Variants in GUCY1A2 observed in about 807,000 individuals in gnomAD.
GUCY1A2 encodes the protein guanylate cyclase 1 soluble subunit alpha 2.
GUCY1A2 carries 27 observed loss-of-function variants against 63.5 expected under a neutral mutation model. That is an observed-to-expected ratio of 0.43 (90% confidence interval 0.31 to 0.59). GUCY1A2 has a LOEUF of 0.59. GUCY1A2 is among the 20% of genes least tolerant of loss of function. GUCY1A2 has a pLI of 0.11. For missense variants in GUCY1A2, 768 were observed against 913.3 expected (o/e 0.84, Z 2.05); for synonymous variants, 364 against 343.5 (o/e 1.06, Z -0.66).
chr11:106,824,918 G>C lies in GUCY1A2; in HGVS notation c.1207-14440C>G, dbSNP rs907618255. ...ACATGCTTCAGCAATCTGGTTCTAA[G>C]AATACAGGAGCTAAGAAAAGAAAAA... On this transcript the variant is annotated intron_variant, in intron 4 of 7. Coordinates refer to ENST00000526355, the MANE Select transcript of GUCY1A2 (RefSeq NM_000855.3). 5.0e-6 allele frequency: 8 copies of C among 1,611,490 alleles called. No homozygotes were observed. The Admixed American group carries it at 8.4e-5, about 17-fold the overall frequency.
Position 106,939,888 on chromosome 11 carries a change from T to A in GUCY1A2, c.778A>T (p.Lys260Ter). Residue 260 changes from lysine to a stop codon, truncating the protein, a stop_gained, in exon 4 of 8, where the codon AAG becomes TAG. Coordinates refer to ENST00000526355, the MANE Select transcript of GUCY1A2 (RefSeq NM_000855.3). LOFTEE classifies it high-confidence loss of function. The stretch of plus-strand genomic sequence containing the variant: ...ACTTCCACATCCAGCCGATAGATCT[T>A]CTTTCCTGCAGCCTTAATCATCCCC... ...MLGMIKAAGKKIYRLDVEVEQ... is the reference protein window; with the variant it reads ...MLGMIKAAGK 1 of 1,614,158 alleles carries A rather than the reference T, an allele frequency of 6.2e-7. No homozygotes were observed. The highest frequency in any genetic ancestry group is 8.5e-7 in the Non-Finnish European group (1 of 1,180,014).
intron 4 of GUCY1A2, among the ~76,000 whole-genome samples, chr11:106,919,807 A>G (rs1044437349): frequency 1.3e-5 from 2 of 152,286 alleles, no homozygotes; most frequent in Non-Finnish European, 2.9e-5. Context: ...AGAGAATAAC[A>G]TGAGTTCACA....
intron 1 of GUCY1A2, among the ~76,000 whole-genome samples, chr11:106,991,221 C>T (rs1861466752): frequency 6.6e-6 from 1 of 151,868 alleles, no homozygotes; most frequent in African/African-American, 2.4e-5. Context: ...AGGTCTCAAA[C>T]TCCTGACCTT....
rs1476845448 is a variant in GUCY1A2, at chr11:106,787,322, C to T, written c.1693-10740G>A. On this transcript the variant is annotated intron_variant, in intron 5 of 7. Coordinates refer to ENST00000526355, the MANE Select transcript of GUCY1A2 (RefSeq NM_000855.3). ...ACCACCCTACTACCATTCCCAGTGT[C>T]TAGTAACCACCCTTCTGCTGTCTAT... Among the ~76,000 whole-genome samples, 3 of 150,992 alleles carry T rather than the reference C, an allele frequency of 2.0e-5. No homozygotes were observed. In the East Asian group the frequency reaches 5.9e-4, roughly 30 times the overall value.
Position 106,987,388 on chromosome 11 carries a change from C to T in GUCY1A2, c.304-1257G>A, listed in dbSNP as rs962685047. 1.1e-4 allele frequency among the ~76,000 whole-genome samples: 16 copies of T among 152,334 alleles called. No homozygotes were observed. In the East Asian group the frequency reaches 1.9e-3, roughly 18 times the overall value. ...CCCAGGAGCTGGGCACTCTGGCTCA[C>T]GCCTGTAATCCCAGCACTTTGGGAG... On this transcript the variant is annotated intron_variant, in intron 1 of 7. Transcript: ENST00000526355.
At chr11:106,748,002 G>A (rs1253033518) in intron 6 of GUCY1A2, among the ~76,000 whole-genome samples, 1 of 152,122 alleles carries the variant, frequency 6.6e-6, no homozygotes, top group Non-Finnish European at 1.5e-5. Context: ...AGTAGAAAGA[G>A]GCAGCAAAGC....
chr11:106,783,753 C>T (rs1405211873), intron 5 of GUCY1A2, among the ~76,000 whole-genome samples: 1 of 152,172 alleles, frequency 6.6e-6, no homozygotes, highest in Non-Finnish European at 1.5e-5. Context: ...TGTAGCATGT[C>T]GTTAGATGTC....
At chr11:106,873,930 G>T (rs1196298029) in intron 4 of GUCY1A2, among the ~76,000 whole-genome samples, 3 of 151,998 alleles carry the variant, frequency 2.0e-5, no homozygotes, top group Admixed American at 1.3e-4. Flanking sequence ...TTTGCATATT[G>T]TCTCCTCTGC....
chr11:106,930,748 G>A (rs542089212), intron 4 of GUCY1A2, among the ~76,000 whole-genome samples: 1 of 152,302 alleles, frequency 6.6e-6, no homozygotes, highest in Admixed American at 6.5e-5. Context: ...AGTGTGTTAT[G>A]TTGCCATGCC....
At chr11:106,991,668 C>T (rs1410410282) in intron 1 of GUCY1A2, among the ~76,000 whole-genome samples, 1 of 152,186 alleles carries the variant, frequency 6.6e-6, no homozygotes, top group African/African-American at 2.4e-5. Context: ...ATACTCATAA[C>T]CGCTTAATTC....
chr11:106,944,840 C>T (rs1200148606), intron 3 of GUCY1A2, among the ~76,000 whole-genome samples: 1 of 152,144 alleles, frequency 6.6e-6, no homozygotes, highest in Non-Finnish European at 1.5e-5. Flanking sequence ...TTACTCCTTC[C>T]TTTCAAATCA....
Position 106,864,889 on chromosome 11 carries a change from T to C in GUCY1A2, c.1207-54411A>G, listed in dbSNP as rs1446722225. On this transcript the variant is annotated intron_variant, in intron 4 of 7. Coordinates refer to ENST00000526355, the MANE Select transcript of GUCY1A2 (RefSeq NM_000855.3). Reference sequence around the variant, plus strand: ...GGCCTGAAGCTTTCTTTTTTTGTTGTGTCTCTGCCAGGTTTTGGTATCAGG... The same window carrying C: ...GGCCTGAAGCTTTCTTTTTTTGTTGCGTCTCTGCCAGGTTTTGGTATCAGG... Among the ~76,000 whole-genome samples, 13 of 152,102 alleles carry C rather than the reference T, an allele frequency of 8.5e-5. 1 individual carries two copies. Among genetic ancestry groups the C allele is most frequent in the Non-Finnish European group, 1.8e-4 (12 of 68,016 alleles).
At position 106,793,852 on chromosome 11, in the gene GUCY1A2, A is replaced by G. The variant is rs112776501; in HGVS notation, c.1692+16141T>C. Among the ~76,000 whole-genome samples the G allele has an allele frequency of 3.2e-3, 485 of 152,262 alleles. 3 individuals are homozygous for G. The highest frequency in any genetic ancestry group is 0.011 in the African/African-American group (463 of 41,562). On this transcript the variant is annotated intron_variant, in intron 5 of 7. Coordinates refer to ENST00000526355, the MANE Select transcript of GUCY1A2 (RefSeq NM_000855.3). ...TGATTATCAAAAGTCTGAGATAACAAATGCCAGTTAGTGTATGGAGAAAAG... is the reference window on the plus strand; with the variant it reads ...TGATTATCAAAAGTCTGAGATAACAGATGCCAGTTAGTGTATGGAGAAAAG...
At position 106,685,981 on chromosome 11, in the gene GUCY1A2, TTAAC is replaced by T. The variant is rs1862520423; in HGVS notation, c.*1564_*1567del. ...CATTGGAAATTAGTAAATATATTCC[TTAAC>T]TGAGTTATGTCATAACCAAATCATA... On this transcript the variant is annotated 3_prime_UTR_variant, in exon 8 of 8. Transcript: ENST00000526355. 1 of 220,682 alleles carries T rather than the reference TTAAC, an allele frequency of 4.5e-6. No homozygotes were observed. Among genetic ancestry groups the T allele is most frequent in the Admixed American group, 5.8e-5 (1 of 17,330 alleles). 13.7% of individuals were successfully genotyped at this position (220,682 alleles called of 1,614,324 possible).
chr11:106,884,311 C>T (rs1396622187), intron 4 of GUCY1A2, among the ~76,000 whole-genome samples: 1 of 152,134 alleles, frequency 6.6e-6, no homozygotes, highest in East Asian at 1.9e-4. Flanking sequence ...TTATCTTGCA[C>T]AGTGAATATG....
intron 5 of GUCY1A2, among the ~76,000 whole-genome samples, chr11:106,792,070 G>A (rs563186276): frequency 6.6e-6 from 1 of 152,202 alleles, no homozygotes; most frequent in East Asian, 1.9e-4. Flanking sequence ...CTGGCAAACT[G>A]AATCCAGCAA....
chr11:106,936,600 G>T, intron 4 of GUCY1A2: 1 of 976,716 alleles, frequency 1.0e-6, no homozygotes, highest in Non-Finnish European at 1.5e-6. Flanking sequence ...AGGAAACCAA[G>T]TGATAGAATC....
At chr11:106,725,980 C>G (rs1339586179) in intron 6 of GUCY1A2, among the ~76,000 whole-genome samples, 1 of 151,998 alleles carries the variant, frequency 6.6e-6, no homozygotes, top group African/African-American at 2.4e-5. Context: ...CATTTTTCAG[C>G]TGGTAGGCTG....
At chr11:106,879,306 A>G (rs1859792792) in intron 4 of GUCY1A2, among the ~76,000 whole-genome samples, 1 of 152,152 alleles carries the variant, frequency 6.6e-6, no homozygotes, top group African/African-American at 2.4e-5. Context: ...GGAACTTAGT[A>G]AAACAAGCTA....
Sources: gnomAD v4.1 joint callset for allele counts (sites outside exome capture counted in the v4.1 genomes callset) on GRCh38, gnomAD v4.1.1 for gene constraint, MANE v1.5 for transcripts, NCBI Gene and HGNC (gene_info 2026-07-23, HGNC 2026-07-21) for gene names.